The following DCC variants were observed in gnomAD, a reference collection of about 807,000 sequenced individuals.
The protein encoded by DCC is DCC netrin 1 receptor.
A neutral mutation model predicts 172.5 loss-of-function variants in DCC; 58 were observed. The ratio of observed to expected loss-of-function variants is 0.34; its 90% CI spans 0.27 to 0.42. The LOEUF is 0.42. Among genes scored for constraint, DCC ranks in the 10% least tolerant of loss-of-function variants. The pLI, the probability that DCC is intolerant of heterozygous loss-of-function variation, is 1.00. For missense variants in DCC, 1,740 were observed against 1,791.0 expected (o/e 0.97, Z 0.51); for synonymous variants, 709 against 644.5 (o/e 1.10, Z -1.52).
intron 1 of DCC, among the ~76,000 whole-genome samples, chr18:52,550,166 C>T (rs2032728911): frequency 6.6e-6 from 1 of 151,808 alleles, no homozygotes; most frequent in South Asian, 2.1e-4. Context: ...CAAACATAAT[C>T]ATGAGAAAAA....
chr18:53,137,985 G>GTT (rs147374888), intron 7 of DCC, among the ~76,000 whole-genome samples: 36 of 147,764 alleles, frequency 2.4e-4, no homozygotes, highest in African/African-American at 5.5e-4. Flanking sequence ...CCTGCTAACT[G>GTT]TTTTTTTTTT....
chr18:53,426,449 TA>T (rs1437112993), intron 21 of DCC, among the ~76,000 whole-genome samples: 1 of 138,864 alleles, frequency 7.2e-6, no homozygotes, highest in Admixed American at 7.7e-5. Flanking sequence ...TTTATATATT[TA>T]TGTAATATAT....
At chr18:52,391,149 G>C (rs1440074514) in intron 1 of DCC, among the ~76,000 whole-genome samples, 1 of 152,010 alleles carries the variant, frequency 6.6e-6, no homozygotes, top group East Asian at 1.9e-4. Flanking sequence ...ACAGAAACTT[G>C]GTGTATAAAC....
chr18:53,520,308 C>G (rs977451431), intron 27 of DCC, among the ~76,000 whole-genome samples: 27 of 152,088 alleles, frequency 1.8e-4, no homozygotes, highest in Admixed American at 1.8e-3. Flanking sequence ...TGCTCCAGGC[C>G]TCACTCACTA....
intron 2 of DCC, among the ~76,000 whole-genome samples, chr18:52,786,942 T>C (rs916631189): frequency 6.6e-6 from 1 of 152,148 alleles, no homozygotes; most frequent in Non-Finnish European, 1.5e-5. Context: ...AAATGGATTA[T>C]TATTGCGATG....
chr18:53,514,205 G>A (rs2046302837), intron 27 of DCC, among the ~76,000 whole-genome samples: 4 of 151,988 alleles, frequency 2.6e-5, no homozygotes, highest in Admixed American at 2.6e-4. Flanking sequence ...ATGACTATTG[G>A]GTACATAACG....
At chr18:52,796,797 A>AT (rs2037885528) in intron 2 of DCC, among the ~76,000 whole-genome samples, 1 of 152,102 alleles carries the variant, frequency 6.6e-6, no homozygotes, top group Non-Finnish European at 1.5e-5. Context: ...TGGAGAAGAC[A>AT]TTTTTGAATT....
chr18:53,382,104 A>ACACACACACACACACACAC (rs770734401), intron 15 of DCC, among the ~76,000 whole-genome samples: 15 of 52,828 alleles, frequency 2.8e-4, no homozygotes, highest in African/African-American at 6.2e-4. Context: ...ACACACACAC[A>ACACACACACACACACACAC]CCCCTACCTC....
At chr18:52,435,391 A>G (rs1488252140) in intron 1 of DCC, among the ~76,000 whole-genome samples, 1 of 151,914 alleles carries the variant, frequency 6.6e-6, no homozygotes, top group Non-Finnish European at 1.5e-5. Context: ...GGCCTTTTCC[A>G]TGGGTGGGGT....
intron 1 of DCC, among the ~76,000 whole-genome samples, chr18:52,516,523 C>G (rs1402473878): frequency 1.3e-5 from 2 of 152,150 alleles, no homozygotes; most frequent in East Asian, 3.9e-4. Context: ...ACTTGATCTT[C>G]TTTATAGTAT....
intron 1 of DCC, among the ~76,000 whole-genome samples, chr18:52,427,807 TCTTCCTTTCTTCCTTCCTTC>T (rs879863621): frequency 0.04 from 4,689 of 118,394 alleles, 277 homozygotes; most frequent in African/African-American, 0.1. Context: ...AACTTTCTTT[TCTTCCTTTCTTCCTTCCTTC>T]CTTCCTTTCT....
chr18:52,890,111 A>G (rs936402263), intron 2 of DCC, among the ~76,000 whole-genome samples: 1 of 152,160 alleles, frequency 6.6e-6, no homozygotes, highest in Admixed American at 6.6e-5. Flanking sequence ...CAATATCAAC[A>G]AAGAAAATAG....
chr18:53,009,498 CAAAAA>C (rs988747273), intron 5 of DCC, among the ~76,000 whole-genome samples: 1 of 151,056 alleles, frequency 6.6e-6, no homozygotes, highest in African/African-American at 2.4e-5. Context: ...AGGGTAAAAA[CAAAAA>C]AGAGAGAAAG....
Position 53,499,466 on chromosome 18 carries a change from C to T in DCC, c.4067C>T (p.Ala1356Val), listed in dbSNP as rs2046069252. ...CCTTTGCTACCTCCACCAATGAGTGCAATAGAACCGAAAGTCCCTTACACA... is the reference window on the plus strand; with the variant it reads ...CCTTTGCTACCTCCACCAATGAGTGTAATAGAACCGAAAGTCCCTTACACA... ...ANPLLPPPMS[A>V]IEPKVPYTPL... Residue 1356 changes from alanine to valine, a missense_variant, in exon 27 of 29, where the codon GCA becomes GTA. Ala to Val is a moderately conservative substitution (Grantham distance 64). Coordinates refer to ENST00000442544, the MANE Select transcript of DCC (RefSeq NM_005215.4). 1.9e-6 allele frequency: 3 copies of T among 1,614,136 alleles called. No individual in the cohort carries two copies. Among genetic ancestry groups the T allele is most frequent in the Non-Finnish European group, 2.5e-6 (3 of 1,179,976 alleles).
intron 1 of DCC, among the ~76,000 whole-genome samples, chr18:52,585,300 A>T (rs1402467002): frequency 1.3e-5 from 2 of 152,228 alleles, no homozygotes; most frequent in African/African-American, 2.4e-5. Context: ...AAAGCTAAGC[A>T]CTACATAGCC....
intron 5 of DCC, among the ~76,000 whole-genome samples, chr18:52,983,560 T>C (rs1367299468): frequency 6.6e-6 from 1 of 152,162 alleles, no homozygotes; most frequent in Non-Finnish European, 1.5e-5. Flanking sequence ...TTTGGGTTTG[T>C]GTATGTGGTG....
intron 1 of DCC, among the ~76,000 whole-genome samples, chr18:52,398,669 A>G (rs1986323963): frequency 6.6e-6 from 1 of 152,014 alleles, no homozygotes; most frequent in African/African-American, 2.4e-5. Context: ...CAAGCTGTGC[A>G]CATACATACA....
At chr18:52,847,945 T>G (rs867496678) in intron 2 of DCC, among the ~76,000 whole-genome samples, 1 of 152,208 alleles carries the variant, frequency 6.6e-6, no homozygotes, top group African/African-American at 2.4e-5. Context: ...AATCTAGTTG[T>G]ATGAATTGAC....
At chr18:52,867,844 C>G (rs2039252197) in intron 2 of DCC, among the ~76,000 whole-genome samples, 1 of 152,028 alleles carries the variant, frequency 6.6e-6, no homozygotes. Context: ...GCAGGAGATT[C>G]TAAGTAGGCT....
Sources: allele counts gnomAD v4.1 joint callset (sites outside exome capture counted in the v4.1 genomes callset), GRCh38; gene constraint gnomAD v4.1.1; transcripts MANE v1.5; gene names NCBI Gene and HGNC (gene_info 2026-07-23, HGNC 2026-07-21).